The following CD99 variants were observed in gnomAD, a reference collection of about 807,000 sequenced individuals.
The protein encoded by CD99 is CD99 molecule (Xg blood group).
A neutral mutation model predicts 28.4 loss-of-function variants in CD99; 19 were observed. The observed-to-expected ratio is 0.67, with a 90% CI of 0.47 to 0.98. The LOEUF is 0.98. Ranked by LOEUF, CD99 falls within the 50% of genes least tolerant of loss-of-function variation. The pLI is 0.00. For synonymous variants in CD99, 103 were observed against 92.1 expected, an observed-to-expected ratio of 1.12 and a Z score of -0.67; for missense variants, 283 against 248.8, an observed-to-expected ratio of 1.14 and a Z score of -0.92.
chrX:2,691,600 T>C, intron 1 of CD99, 173 bp downstream of exon 1: 1 of 743,144 alleles, frequency 1.3e-6, no homozygotes, highest in Non-Finnish European at 2.4e-6. Context: ...GCGCCCACTT[T>C]CTCCCCAACG....
At chrX:2,721,155 A>G (rs765839092) in intron 5 of CD99, among the ~76,000 whole-genome samples, 4 of 151,954 alleles carry the variant, frequency 2.6e-5, no homozygotes, top group Non-Finnish European at 4.4e-5. Context: ...TTTTTAGCTG[A>G]ATGGTTGTCG....
At chrX:2,694,943 GC>G (rs1414728501) in intron 1 of CD99, among the ~76,000 whole-genome samples, 1 of 152,180 alleles carries the variant, frequency 6.6e-6, no homozygotes, top group Non-Finnish European at 1.5e-5. Flanking sequence ...AAGAAATGCA[GC>G]TCATACAATA....
chrX:2,719,383 AT>A, intron 3 of CD99: 1 of 395,434 alleles, frequency 2.5e-6, no homozygotes, highest in Non-Finnish European at 4.5e-6. Context: ...AAATTACTTT[AT>A]TTCTCTCTCT....
chrX:2,741,122 C>T lies in CD99; in HGVS notation c.*318C>T. 2.6e-6 allele frequency: 1 copy of T among 390,954 alleles called. No individual in the cohort carries two copies. Among genetic ancestry groups the T allele is most frequent in the Non-Finnish European group, 4.6e-6 (1 of 217,078 alleles). 24.2% of individuals were successfully genotyped at this position (390,954 alleles called of 1,614,324 possible). On this transcript the variant is annotated 3_prime_UTR_variant, in exon 10 of 10. Transcript: ENST00000381192. The stretch of plus-strand genomic sequence containing the variant: ...AAATGTCAACCCCACCGAGGCACCC[C>T]CCCGTCCCCCAGAATCTTGGCTGTT...
At chrX:2,727,518 C>G (rs2049356739) in intron 8 of CD99, among the ~76,000 whole-genome samples, 1 of 152,104 alleles carries the variant, frequency 6.6e-6, no homozygotes, top group Non-Finnish European at 1.5e-5. Context: ...GCTCTGTTGC[C>G]CAGGCTGGAG....
intron 1 of CD99, among the ~76,000 whole-genome samples, chrX:2,714,153 A>G (rs1159558904): frequency 1.3e-5 from 2 of 152,208 alleles, no homozygotes; most frequent in African/African-American, 4.8e-5. Flanking sequence ...TAAGAATAAT[A>G]CACAAAATGA....
chrX:2,710,942 C>G (rs1475704213), intron 1 of CD99, among the ~76,000 whole-genome samples: 1 of 137,786 alleles, frequency 7.3e-6, no homozygotes, highest in African/African-American at 2.8e-5. Context: ...ATGATCTCTG[C>G]TCACTGCAAC....
chrX:2,725,060 TC>T (rs1450254538), intron 7 of CD99, among the ~76,000 whole-genome samples: 4 of 130,066 alleles, frequency 3.1e-5, no homozygotes, highest in Non-Finnish European at 6.5e-5. Flanking sequence ...AGACTCTGTC[TC>T]CCCGCCAAAA....
At chrX:2,726,437 T>C (rs754322372) in intron 8 of CD99, 64 bp downstream of exon 8, 2 of 1,096,240 alleles carry the variant, frequency 1.8e-6, no homozygotes, top group East Asian at 2.4e-5. Context: ...GTGCTTTCTT[T>C]AAAAGGCAGA....
intron 8 of CD99, among the ~76,000 whole-genome samples, chrX:2,731,745 G>A (rs1161487102): frequency 1.3e-5 from 2 of 152,070 alleles, no homozygotes; most frequent in African/African-American, 2.4e-5. Flanking sequence ...GTAGACATAG[G>A]TGAGTCTTCG....
chrX:2,726,590 C>T, intron 8 of CD99: 1 of 669,260 alleles, frequency 1.5e-6, no homozygotes, highest in Non-Finnish European at 2.7e-6. Context: ...ACAAGTTCCC[C>T]ACTGCTGCAG....
At chrX:2,714,274 G>T in intron 1 of CD99, 148 bp from the exon 2 acceptor site, 1 of 596,904 alleles carries the variant, frequency 1.7e-6, no homozygotes, top group African/African-American at 1.8e-5. Flanking sequence ...TTTAGAATGA[G>T]AAGAGAAATC....
intron 2 of CD99, among the ~76,000 whole-genome samples, chrX:2,716,238 C>A (rs1455202674): frequency 1.3e-5 from 2 of 152,090 alleles, no homozygotes; most frequent in Non-Finnish European, 2.9e-5. Flanking sequence ...AGGCTGGTTT[C>A]GAACTCCTGA....
intron 8 of CD99, among the ~76,000 whole-genome samples, chrX:2,734,281 CTT>C (rs918590613): frequency 2.1e-5 from 3 of 144,930 alleles, no homozygotes; most frequent in African/African-American, 7.6e-5. Context: ...TATGTTATTT[CTT>C]TTTCTTTTCT....
At chrX:2,700,414 A>T (rs1445358990) in intron 1 of CD99, among the ~76,000 whole-genome samples, 1 of 150,608 alleles carries the variant, frequency 6.6e-6, no homozygotes, top group African/African-American at 2.5e-5. Flanking sequence ...CCTTTTATCC[A>T]TCCATCCATC....
chrX:2,717,410 G>GCAGCC (rs1450094314), intron 2 of CD99, 195 bp from the exon 3 acceptor site: 2 of 583,708 alleles, frequency 3.4e-6, no homozygotes, highest in Non-Finnish European at 6.2e-6. Flanking sequence ...ATGGCCGGTA[G>GCAGCC]CAGCCTCTGT....
intron 7 of CD99, 137 bp downstream of exon 7, chrX:2,723,501 C>A: frequency 2.2e-6 from 2 of 918,536 alleles, no homozygotes; most frequent in South Asian, 1.4e-5. Context: ...TGTTCTGTGC[C>A]AAGTGCTCCC....
At chrX:2,708,682 T>G (rs2048237984) in intron 1 of CD99, among the ~76,000 whole-genome samples, 4 of 151,266 alleles carry the variant, frequency 2.6e-5, no homozygotes, top group South Asian at 4.2e-4. Flanking sequence ...GGGCAGAGGG[T>G]GGGAGAAGGG....
chrX:2,737,425 C>CG (rs2050002102), intron 8 of CD99, among the ~76,000 whole-genome samples: 1 of 90 alleles, frequency 0.011, no homozygotes, highest in African/African-American at 0.038. Flanking sequence ...ATCCGCCCGC[C>CG]TGGCCTCCCA....
Sources: allele counts gnomAD v4.1 joint callset (sites outside exome capture counted in the v4.1 genomes callset), GRCh38; gene constraint gnomAD v4.1.1; transcripts MANE v1.5; gene names NCBI Gene and HGNC (gene_info 2026-07-23, HGNC 2026-07-21).